The following CNTNAP2 variants were observed in gnomAD, a reference collection of about 807,000 sequenced individuals.
CNTNAP2 encodes contactin-associated protein-like 2.
A neutral mutation model predicts 155.2 loss-of-function variants in CNTNAP2; 98 were observed. That is an observed-to-expected ratio of 0.63 (90% CI 0.54 to 0.75). The LOEUF (loss-of-function observed/expected upper bound fraction) is 0.75, where lower values mean the gene tolerates loss of function less well. Ranked by LOEUF, CNTNAP2 falls within the 30% of genes least tolerant of loss-of-function variation. The pLI, the probability that CNTNAP2 is intolerant of heterozygous loss-of-function variation, is 0.00. For missense variants in CNTNAP2, 1,727 were observed against 1,688.1 expected, an observed-to-expected ratio of 1.02 and a Z score of -0.40; for synonymous variants, 651 against 631.2, an observed-to-expected ratio of 1.03 and a Z score of -0.47.
At chr7:147,784,116 T>C (rs1033852004) in intron 13 of CNTNAP2, among the ~76,000 whole-genome samples, 7 of 151,978 alleles carry the variant, frequency 4.6e-5, no homozygotes, top group African/African-American at 1.7e-4. Flanking sequence ...TGCATGTCTC[T>C]GGGTCCAGAT....
intron 1 of CNTNAP2, among the ~76,000 whole-genome samples, chr7:146,457,614 C>T (rs1456071907): frequency 6.7e-6 from 1 of 148,642 alleles, no homozygotes; most frequent in African/African-American, 2.5e-5. Context: ...AGAGATTCTC[C>T]TGCCTCAGCC....
chr7:147,898,690 T>C (rs1343125962), intron 13 of CNTNAP2, among the ~76,000 whole-genome samples: 1 of 152,076 alleles, frequency 6.6e-6, no homozygotes, highest in East Asian at 1.9e-4. Flanking sequence ...TGGCTAATTT[T>C]TGTAGTTTTA....
Position 148,082,399 on chromosome 7 carries a change from T to C in CNTNAP2, c.2384-35719T>C, listed in dbSNP as rs1221689279. Among the ~76,000 whole-genome samples, 2 of 152,152 alleles carry C rather than the reference T, an allele frequency of 1.3e-5. 1 individual carries two copies. On this transcript the variant is annotated intron_variant, in intron 15 of 23. Coordinates refer to ENST00000361727, the MANE Select transcript of CNTNAP2 (RefSeq NM_014141.6). ...AGTGAGGTTTTTCTCTTATGAGTTA[T>C]GGGAGGAGCAACTTGGAGGGAACAC...
intron 1 of CNTNAP2, among the ~76,000 whole-genome samples, chr7:146,505,240 A>G (rs760555538): frequency 1.3e-5 from 2 of 152,206 alleles, no homozygotes; most frequent in Non-Finnish European, 2.9e-5. Context: ...TGCAGATCCA[A>G]CGGTTGGACA....
chr7:147,640,866 G>A (rs1795262258), intron 13 of CNTNAP2, among the ~76,000 whole-genome samples: 1 of 152,198 alleles, frequency 6.6e-6, no homozygotes, highest in Non-Finnish European at 1.5e-5. Context: ...GGTGGTACCT[G>A]ACTTGCATAG....
chr7:146,374,476 G>A (rs1472227984), intron 1 of CNTNAP2, among the ~76,000 whole-genome samples: 1 of 152,152 alleles, frequency 6.6e-6, no homozygotes, highest in African/African-American at 2.4e-5. Context: ...TTCACAAGAG[G>A]CCACATTATC....
At chr7:147,277,543 T>C (rs1804925538) in intron 8 of CNTNAP2, among the ~76,000 whole-genome samples, 1 of 151,964 alleles carries the variant, frequency 6.6e-6, no homozygotes, top group African/African-American at 2.4e-5. Flanking sequence ...TCTCTGATTT[T>C]CCAATGTTGA....
chr7:148,140,647 C>T (rs942649060), intron 16 of CNTNAP2, among the ~76,000 whole-genome samples: 2 of 151,970 alleles, frequency 1.3e-5, no homozygotes, highest in Non-Finnish European at 2.9e-5. Context: ...GTCTCGAACT[C>T]CTGACCTCAG....
intron 1 of CNTNAP2, among the ~76,000 whole-genome samples, chr7:146,722,480 T>A (rs868466382): frequency 1.3e-4 from 20 of 152,178 alleles, no homozygotes; most frequent in African/African-American, 4.8e-4. Flanking sequence ...GTTTTAGAAG[T>A]AGCAGCAATC....
chr7:147,772,120 A>C (rs1231753318), intron 13 of CNTNAP2, among the ~76,000 whole-genome samples: 1 of 152,008 alleles, frequency 6.6e-6, no homozygotes, highest in Non-Finnish European at 1.5e-5. Context: ...AAGTAATTGT[A>C]TGCTTTTAAA....
chr7:148,175,516 A>G (rs1013639092), intron 18 of CNTNAP2, among the ~76,000 whole-genome samples: 2 of 152,104 alleles, frequency 1.3e-5, no homozygotes, highest in Admixed American at 6.5e-5. Flanking sequence ...CATTTGTTAA[A>G]TCTCAATACA....
At chr7:147,403,843 GTTTCTTT>G (rs1372260515) in intron 10 of CNTNAP2, among the ~76,000 whole-genome samples, 11 of 152,154 alleles carry the variant, frequency 7.2e-5, no homozygotes, top group African/African-American at 2.7e-4. Flanking sequence ...TTTTATTAGT[GTTTCTTT>G]AGTGATGGTT....
At chr7:146,352,777 C>G (rs1334552060) in intron 1 of CNTNAP2, among the ~76,000 whole-genome samples, 1 of 42,398 alleles carries the variant, frequency 2.4e-5, no homozygotes, top group Non-Finnish European at 3.6e-5. Context: ...TTTTTCGAGA[C>G]AGAGTCTCTC....
intron 12 of CNTNAP2, among the ~76,000 whole-genome samples, chr7:147,568,016 G>A (rs1430126661): frequency 6.6e-6 from 1 of 152,154 alleles, no homozygotes; most frequent in Non-Finnish European, 1.5e-5. Context: ...AACCCGGGGG[G>A]CAGAGGTTCC....
At chr7:147,401,064 G>A in intron 10 of CNTNAP2, among the ~76,000 whole-genome samples, 1 of 152,126 alleles carries the variant, frequency 6.6e-6, no homozygotes, top group East Asian at 1.9e-4. Context: ...GTCCCCTAGA[G>A]GTTGAAATCT....
At chr7:146,478,714 G>T (rs1563099702) in intron 1 of CNTNAP2, among the ~76,000 whole-genome samples, 1 of 151,682 alleles carries the variant, frequency 6.6e-6, no homozygotes, top group Non-Finnish European at 1.5e-5. Flanking sequence ...ACACAGGAAG[G>T]CATGCATGCA....
intron 16 of CNTNAP2, among the ~76,000 whole-genome samples, chr7:148,122,319 G>T (rs1213453928): frequency 6.6e-6 from 1 of 152,202 alleles, no homozygotes; most frequent in Non-Finnish European, 1.5e-5. Flanking sequence ...GAGGCCGGGA[G>T]CACTGAGGGG....
chr7:146,329,179 G>GC (rs1166064697), intron 1 of CNTNAP2, among the ~76,000 whole-genome samples: 2 of 152,116 alleles, frequency 1.3e-5, no homozygotes, highest in African/African-American at 4.8e-5. Flanking sequence ...GTGGTCAACA[G>GC]CCATCCTAAC....
At chr7:148,148,741 A>C (rs1585152141) in intron 17 of CNTNAP2, among the ~76,000 whole-genome samples, 1 of 152,360 alleles carries the variant, frequency 6.6e-6, no homozygotes. Flanking sequence ...ATTAAAGGAA[A>C]GGTAAAATTA....
Sources: allele counts gnomAD v4.1 joint callset (sites outside exome capture counted in the v4.1 genomes callset), GRCh38; gene constraint gnomAD v4.1.1; transcripts MANE v1.5; gene names NCBI Gene and HGNC (gene_info 2026-07-23, HGNC 2026-07-21).